The following ITPR1 variants were observed in gnomAD, a reference collection of about 807,000 sequenced individuals.
ITPR1 encodes inositol 1,4,5-trisphosphate receptor type 1.
Under a neutral mutation model 318.4 loss-of-function variants are expected in ITPR1, and 96 were observed. That is an observed-to-expected ratio of 0.30 (90% CI 0.26 to 0.36). ITPR1 has a LOEUF of 0.36. Ranked by LOEUF, ITPR1 falls within the 10% of genes least tolerant of loss-of-function variation. The probability of loss-of-function intolerance (pLI) is 1.00; values close to 1 mark genes in which losing one functional copy is unlikely to be tolerated. For synonymous variants in ITPR1, 1,312 were observed against 1,289.9 expected (o/e 1.02, Z -0.37); for missense variants, 2,440 against 3,460.2 (o/e 0.71, Z 7.40).
intron 3 of ITPR1, among the ~76,000 whole-genome samples, chr3:4,519,259 ACT>A (rs1444817392): frequency 6.6e-6 from 1 of 151,142 alleles, no homozygotes; most frequent in African/African-American, 2.4e-5. Flanking sequence ...ATGGAGTCTC[ACT>A]CTGTCGCCAG....
intron 4 of ITPR1, among the ~76,000 whole-genome samples, chr3:4,603,638 C>T (rs934480987): frequency 2.0e-5 from 3 of 152,152 alleles, no homozygotes; most frequent in African/African-American, 7.2e-5. Context: ...CCCTGTTGGA[C>T]AGGATGGTCT....
At chr3:4,727,272 G>A in intron 42 of ITPR1, 99 bp downstream of exon 42, 1 of 847,230 alleles carries the variant, frequency 1.2e-6, no homozygotes. Context: ...TTTTGTTGTT[G>A]ATATTGTTAA....
At chr3:4,580,248 G>T (rs1384948888) in intron 4 of ITPR1, among the ~76,000 whole-genome samples, 1 of 152,106 alleles carries the variant, frequency 6.6e-6, no homozygotes, top group Non-Finnish European at 1.5e-5. Flanking sequence ...ATTTTTTAAA[G>T]CATATATGGT....
chr3:4,620,361 A>G (rs1407750483), intron 4 of ITPR1, among the ~76,000 whole-genome samples: 2 of 152,094 alleles, frequency 1.3e-5, no homozygotes, highest in Non-Finnish European at 2.9e-5. Context: ...AGATGTCTGG[A>G]CTATATGGGG....
intron 10 of ITPR1, among the ~76,000 whole-genome samples, chr3:4,650,515 T>C (rs1490086335): frequency 6.6e-6 from 1 of 152,188 alleles, no homozygotes; most frequent in Non-Finnish European, 1.5e-5. Flanking sequence ...GTATATAGTG[T>C]CTCTGCCATG....
Position 4,673,385 on chromosome 3 carries a change from C to T in ITPR1, c.2454C>T (p.Asp818=), listed in dbSNP as rs369671510. 30 of 1,601,524 alleles carry T rather than the reference C, an allele frequency of 1.9e-5. No homozygotes were observed. The highest frequency in any genetic ancestry group is 4.0e-5 in the African/African-American group (3 of 74,812). Residue 818 remains aspartate (D), a splice_region_variant and synonymous_variant, in exon 21 of 62, where the codon GAC becomes GAT. Transcript: ENST00000649015. ...WSEIPSEIAI[D]DYDSSGASKD... ...AGATTCCCTCGGAGATCGCCATTGA[C>T]GAGTGAGCCTGGCACCTGAAAACCT...
chr3:4,727,025 T>G (rs2042566421), intron 41 of ITPR1, 101 bp from the exon 42 acceptor site: 1 of 952,956 alleles, frequency 1.0e-6, no homozygotes, highest in Non-Finnish European at 1.6e-6. Context: ...GTAACTCTTG[T>G]CTATATATGA....
At chr3:4,705,495 C>G (rs923929396) in intron 36 of ITPR1, among the ~76,000 whole-genome samples, 1 of 152,188 alleles carries the variant, frequency 6.6e-6, no homozygotes, top group Non-Finnish European at 1.5e-5. Flanking sequence ...TACCACCTTG[C>G]ATTTGGTTGT....
chr3:4,678,443 G>A (rs900256241), intron 24 of ITPR1, among the ~76,000 whole-genome samples: 3 of 152,256 alleles, frequency 2.0e-5, no homozygotes, highest in African/African-American at 4.8e-5. Flanking sequence ...TCCACTCACC[G>A]TGGTGACCTA....
At chr3:4,549,871 AC>A (rs757583520) in intron 4 of ITPR1, among the ~76,000 whole-genome samples, 53 of 152,298 alleles carry the variant, frequency 3.5e-4, no homozygotes, top group Admixed American at 7.8e-4. Context: ...CATAGTCGGA[AC>A]CTTTCGAGGG....
intron 4 of ITPR1, among the ~76,000 whole-genome samples, chr3:4,609,083 T>C (rs1174374056): frequency 0.026 from 2,423 of 92,358 alleles, 104 homozygotes; most frequent in Middle Eastern, 0.051. Context: ...TATATATATA[T>C]ATATATACAC....
chr3:4,726,933 G>A (rs1388008958), intron 41 of ITPR1, among the ~76,000 whole-genome samples, 193 bp from the exon 42 acceptor site: 2 of 152,216 alleles, frequency 1.3e-5, no homozygotes, highest in Non-Finnish European at 2.9e-5. Context: ...GGGGGTATGG[G>A]ACAGTCGTTA....
chr3:4,686,301 G>T (rs2094393343), intron 30 of ITPR1, among the ~76,000 whole-genome samples: 1 of 152,202 alleles, frequency 6.6e-6, no homozygotes, highest in Non-Finnish European at 1.5e-5. Flanking sequence ...GGGACCATAT[G>T]AATCGGGCAG....
At chr3:4,743,224 C>T (rs1209887205) in intron 44 of ITPR1, among the ~76,000 whole-genome samples, 1 of 152,226 alleles carries the variant, frequency 6.6e-6, no homozygotes, top group Non-Finnish European at 1.5e-5. Context: ...GAACACCTCA[C>T]ACCCTTCTTC....
intron 4 of ITPR1, among the ~76,000 whole-genome samples, chr3:4,534,726 T>A (rs1333181581): frequency 2.0e-5 from 3 of 152,222 alleles, no homozygotes; most frequent in Admixed American, 6.5e-5. Context: ...GCTAAAATTA[T>A]ATGTGTCTAA....
chr3:4,766,477 G>T, intron 44 of ITPR1, 53 bp from the exon 45 acceptor site: 2 of 1,490,780 alleles, frequency 1.3e-6, no homozygotes, highest in Non-Finnish European at 1.9e-6. Flanking sequence ...CATGAGTGGG[G>T]TGCAGTTTCT....
At chr3:4,637,552 G>T (rs2093227021) in intron 5 of ITPR1, among the ~76,000 whole-genome samples, 1 of 152,198 alleles carries the variant, frequency 6.6e-6, no homozygotes, top group Admixed American at 6.5e-5. Context: ...AATGTGTCTT[G>T]CACCCAGTGG....
At chr3:4,678,244 CA>C (rs1438683882) in intron 24 of ITPR1, among the ~76,000 whole-genome samples, 1 of 152,144 alleles carries the variant, frequency 6.6e-6, no homozygotes, top group Non-Finnish European at 1.5e-5. Context: ...GCCTGAGCAA[CA>C]GTAGAGAAAG....
At chr3:4,771,788 A>G (rs2046205166) in intron 46 of ITPR1, among the ~76,000 whole-genome samples, 1 of 152,168 alleles carries the variant, frequency 6.6e-6, no homozygotes, top group African/African-American at 2.4e-5. Context: ...AGGTATCATA[A>G]AGATTATCCA....
Sources: allele counts gnomAD v4.1 joint callset (sites outside exome capture counted in the v4.1 genomes callset), GRCh38; gene constraint gnomAD v4.1.1; transcripts MANE v1.5; gene names NCBI Gene and HGNC (gene_info 2026-07-23, HGNC 2026-07-21).